Variants in PDE9A observed in about 807,000 individuals in gnomAD.
PDE9A encodes the protein phosphodiesterase 9A, also known as high affinity cGMP-specific 3',5'-cyclic phosphodiesterase 9A.
PDE9A carries 60 observed loss-of-function variants against 87.4 expected under a neutral mutation model. The ratio of observed to expected loss-of-function variants is 0.69; its 90% CI spans 0.56 to 0.85. The LOEUF is 0.85. PDE9A is among the 40% of genes least tolerant of loss of function. The probability of loss-of-function intolerance (pLI) is 0.00; values close to 1 mark genes in which losing one functional copy is unlikely to be tolerated. For synonymous variants in PDE9A, 272 were observed against 279.4 expected (o/e 0.97, Z 0.27); for missense variants, 665 against 779.0 (o/e 0.85, Z 1.74).
At chr21:42,743,897 G>A (rs375295575) in intron 8 of PDE9A, 37 bp downstream of exon 8, 5 of 1,259,340 alleles carry the variant, frequency 4.0e-6, no homozygotes, top group African/African-American at 3.0e-5. Context: ...GGCCGGGCCT[G>A]GGGAGGGCTC....
At chr21:42,773,915 T>A (rs374983811) in intron 19 of PDE9A, among the ~76,000 whole-genome samples, 35 of 150,732 alleles carry the variant, frequency 2.3e-4, no homozygotes, top group African/African-American at 5.9e-4. Flanking sequence ...CCATCCTGGC[T>A]AACACGGTGA....
At position 42,772,451 on chromosome 21, in the gene PDE9A, A is replaced by G. The variant is rs1463332775; in HGVS notation, c.1699A>G (p.Thr567Ala). Residue 567 changes from threonine to alanine, a missense_variant, in exon 19 of 20, where the codon ACT becomes GCT. By Grantham distance (58) the Thr-to-Ala change is moderately conservative. Transcript: ENST00000291539. ...DDAMKELQKK[T>A]DSLTSGATEK... ...TACTCTGTTCCAGTTACAGAAGAAG[A>G]CTGACAGCTTGACGTCTGGGGCCAC... The G allele has an allele frequency of 6.2e-7, 1 of 1,609,472 alleles. No individual in the cohort carries two copies. Among genetic ancestry groups the G allele is most frequent in the African/African-American group, 1.3e-5 (1 of 74,842 alleles).
chr21:42,666,542 G>A (rs559010031), intron 1 of PDE9A, among the ~76,000 whole-genome samples: 3 of 152,154 alleles, frequency 2.0e-5, no homozygotes, highest in Non-Finnish European at 2.9e-5. Flanking sequence ...AGGCCCGGCG[G>A]CCTCCACAGC....
chr21:42,726,602 A>ATTT (rs2051075187), intron 4 of PDE9A, among the ~76,000 whole-genome samples: 1 of 13,632 alleles, frequency 7.3e-5, no homozygotes, highest in African/African-American at 4.5e-4. Context: ...CCATATATAT[A>ATTT]TATATATATA....
chr21:42,768,458 AG>A, intron 16 of PDE9A, 166 bp downstream of exon 16: 1 of 1,118,090 alleles, frequency 8.9e-7, no homozygotes, highest in Non-Finnish European at 1.2e-6. Context: ...GAAACAAAAT[AG>A]GTTATAATTT....
intron 1 of PDE9A, among the ~76,000 whole-genome samples, chr21:42,674,696 C>G (rs1157662018): frequency 6.6e-6 from 1 of 152,182 alleles, no homozygotes; most frequent in Non-Finnish European, 1.5e-5. Context: ...GAACCTTCCT[C>G]TCTCCTACCA....
intron 1 of PDE9A, among the ~76,000 whole-genome samples, chr21:42,683,756 C>G (rs1336193598): frequency 2.6e-5 from 4 of 152,202 alleles, no homozygotes; most frequent in African/African-American, 9.6e-5. Flanking sequence ...AGGTGCACCC[C>G]CTTCAAGCCA....
chr21:42,748,661 C>T (rs1474297208), intron 8 of PDE9A, among the ~76,000 whole-genome samples: 1 of 152,212 alleles, frequency 6.6e-6, no homozygotes, highest in East Asian at 1.9e-4. Flanking sequence ...GGACACGAGG[C>T]CTTCTAGATG....
In PDE9A at chr21:42,659,349, C is replaced by G. The variant is rs548281199; in HGVS notation, c.69+5466C>G. Among the ~76,000 whole-genome samples, 1 of 152,216 alleles carries G rather than the reference C, an allele frequency of 6.6e-6. No individual in the cohort carries two copies. Among genetic ancestry groups the G allele is most frequent in the South Asian group, 2.1e-4 (1 of 4,832 alleles). On this transcript the variant is annotated intron_variant, in intron 1 of 19. Transcript: ENST00000291539. This position sits in a 1 kb window ranked among gnomAD's most constrained non-coding sequence, Gnocchi z 4.1. ...AACCAATGCCGCCCAATCTGGGAAT[C>G]CAGGAGGGCTGGTCCCATAGAGTGG...
chr21:42,686,886 G>A (rs772277969), intron 2 of PDE9A, among the ~76,000 whole-genome samples: 55 of 152,200 alleles, frequency 3.6e-4, no homozygotes, highest in African/African-American at 1.2e-3. Flanking sequence ...TGGAGAAAGC[G>A]GGGTGGTTGT....
intron 3 of PDE9A, among the ~76,000 whole-genome samples, chr21:42,690,370 AGCG>A (rs2059749683): frequency 6.6e-6 from 1 of 152,072 alleles, no homozygotes; most frequent in East Asian, 1.9e-4. Flanking sequence ...GGATCTAGAC[AGCG>A]ATGTGGAAAT....
rs894965127 is a variant in PDE9A at position 42,660,865 on chromosome 21, G to C, written c.69+6982G>C. ...ATTTGTCTTGAACCCATCCCTGACTGCCTGTCTCCCCCCTCACCCTGACCA... is the reference window on the plus strand; with the variant it reads ...ATTTGTCTTGAACCCATCCCTGACTCCCTGTCTCCCCCCTCACCCTGACCA... On this transcript the variant is annotated intron_variant, in intron 1 of 19. Transcript: ENST00000291539. This position sits in a 1 kb window ranked among gnomAD's most constrained non-coding sequence, Gnocchi z 4.7. Among the ~76,000 whole-genome samples, 1 of 151,930 alleles carries C rather than the reference G, an allele frequency of 6.6e-6. No individual in the cohort carries two copies. Among genetic ancestry groups the C allele is most frequent in the Non-Finnish European group, 1.5e-5 (1 of 67,984 alleles).
At chr21:42,687,344 A>G (rs899012238) in intron 2 of PDE9A, among the ~76,000 whole-genome samples, 2 of 152,186 alleles carry the variant, frequency 1.3e-5, no homozygotes, top group Non-Finnish European at 2.9e-5. Flanking sequence ...ATATATACAC[A>G]GTATTCCGTA....
chr21:42,702,436 CT>C lies in PDE9A; in HGVS notation c.262+3426del, dbSNP rs1481963782. On this transcript the variant is annotated intron_variant, in intron 4 of 19. Transcript: ENST00000291539. The surrounding 1 kb of genome is among the most constrained non-coding windows in gnomAD (Gnocchi z 4.9). ...CATGCCATTGTCTGCTGGTTTCCTC[CT>C]CTCTGCCATATCCGAGTCTGTCTCT... 6.6e-6 allele frequency among the ~76,000 whole-genome samples: 1 copy of C among 152,080 alleles called. No homozygotes were observed. Among genetic ancestry groups the C allele is most frequent in the Non-Finnish European group, 1.5e-5 (1 of 68,040 alleles).
At chr21:42,712,296 G>A (rs2049421068) in intron 4 of PDE9A, among the ~76,000 whole-genome samples, 1 of 152,056 alleles carries the variant, frequency 6.6e-6, no homozygotes, top group Admixed American at 6.6e-5. Flanking sequence ...GTTTTATTGT[G>A]AATAAGATTT....
intron 16 of PDE9A, 170 bp from the exon 17 acceptor site, chr21:42,768,857 G>T: frequency 1.0e-6 from 1 of 985,250 alleles, no homozygotes; most frequent in Non-Finnish European, 1.2e-6. Context: ...GCCCAGCTCT[G>T]TTTAGCACTG....
intron 1 of PDE9A, among the ~76,000 whole-genome samples, chr21:42,657,518 C>T (rs2057171043): frequency 6.6e-6 from 1 of 152,192 alleles, no homozygotes; most frequent in Non-Finnish European, 1.5e-5. Context: ...CCTGGGGGGC[C>T]CTGGCTGCAG....
At chr21:42,670,724 CACAT>C (rs1335834977) in intron 1 of PDE9A, among the ~76,000 whole-genome samples, 6 of 150,914 alleles carry the variant, frequency 4.0e-5, no homozygotes, top group South Asian at 2.1e-4. Flanking sequence ...CACTCACAGT[CACAT>C]ACACCCACAT....
intron 1 of PDE9A, among the ~76,000 whole-genome samples, chr21:42,661,852 T>C (rs1253307688): frequency 6.6e-6 from 1 of 152,206 alleles, no homozygotes; most frequent in Non-Finnish European, 1.5e-5. Context: ...GTACAGCCTG[T>C]GATGCGTCGC....
Sources: allele counts gnomAD v4.1 joint callset (sites outside exome capture counted in the v4.1 genomes callset), GRCh38; gene constraint gnomAD v4.1.1; non-coding constraint Gnocchi (gnomAD v3.1); transcripts MANE v1.5; gene names NCBI Gene and HGNC (gene_info 2026-07-23, HGNC 2026-07-21).